Variants in CARMIL1 observed in about 807,000 individuals in gnomAD.
CARMIL1 encodes the protein F-actin-uncapping protein LRRC16A.
CARMIL1 carries 90 observed loss-of-function variants against 177.1 expected under a neutral mutation model. That is an observed-to-expected ratio of 0.51 (90% CI 0.43 to 0.61). The LOEUF (loss-of-function observed/expected upper bound fraction) is 0.61, where lower values mean the gene tolerates loss of function less well. Among genes scored for constraint, CARMIL1 ranks in the 20% least tolerant of loss-of-function variants. The pLI is 0.00. For synonymous variants in CARMIL1, 577 were observed against 606.2 expected, an observed-to-expected ratio of 0.95 and a Z score of 0.71; for missense variants, 1,380 against 1,667.0, an observed-to-expected ratio of 0.83 and a Z score of 3.00.
At chr6:25,541,237 G>A (rs1326873756) in intron 26 of CARMIL1, among the ~76,000 whole-genome samples, 1 of 152,144 alleles carries the variant, frequency 6.6e-6, no homozygotes, top group Non-Finnish European at 1.5e-5. Flanking sequence ...GATCCCAGAG[G>A]TAGTGTCTCT....
intron 29 of CARMIL1, chr6:25,563,871 G>C (rs577017572): frequency 1.0e-6 from 1 of 985,144 alleles, no homozygotes; most frequent in Non-Finnish European, 1.2e-6. Flanking sequence ...CATCAAGAAA[G>C]GCTTAAATTC....
rs112356684 is a variant in CARMIL1, at chr6:25,382,805, C to G, written c.139-37309C>G. Among the ~76,000 whole-genome samples, 464 of 152,278 alleles carry G rather than the reference C, an allele frequency of 3.0e-3. 1 individual carries two copies. Among genetic ancestry groups the G allele is most frequent in the African/African-American group, 0.01 (426 of 41,536 alleles). ...GATTGGTGCGTTTACAATTCTCTACCTAGACAGAAAAGTTCTCCAAGTCCC... is the reference window on the plus strand; with the variant it reads ...GATTGGTGCGTTTACAATTCTCTACGTAGACAGAAAAGTTCTCCAAGTCCC... On this transcript the variant is annotated intron_variant, in intron 2 of 36. Transcript: ENST00000329474.
intron 2 of CARMIL1, among the ~76,000 whole-genome samples, chr6:25,373,657 A>C (rs1581720294): frequency 6.7e-6 from 1 of 149,000 alleles, no homozygotes; most frequent in Non-Finnish European, 1.5e-5. Flanking sequence ...ATCATGGCTC[A>C]CTGCAACCTC....
intron 2 of CARMIL1, among the ~76,000 whole-genome samples, chr6:25,327,409 A>AAT (rs1785230071): frequency 6.6e-6 from 1 of 152,190 alleles, no homozygotes; most frequent in African/African-American, 2.4e-5. Flanking sequence ...TTCTATTTGG[A>AAT]CTGTCAGTGA....
intron 23 of CARMIL1, among the ~76,000 whole-genome samples, chr6:25,522,244 A>T (rs984064113): frequency 1.3e-5 from 2 of 152,164 alleles, no homozygotes; most frequent in African/African-American, 4.8e-5. Flanking sequence ...ATCCTATTTC[A>T]TGGTAAATCT....
At chr6:25,362,406 G>A (rs1269787790) in intron 2 of CARMIL1, among the ~76,000 whole-genome samples, 1 of 152,210 alleles carries the variant, frequency 6.6e-6, no homozygotes, top group East Asian at 1.9e-4. Context: ...CGGGCGTGGT[G>A]GCTCATGCCT....
At chr6:25,520,619 G>A (rs1423893433) in intron 23 of CARMIL1, among the ~76,000 whole-genome samples, 1 of 152,098 alleles carries the variant, frequency 6.6e-6, no homozygotes, top group Non-Finnish European at 1.5e-5. Context: ...CTTCTTGATT[G>A]GCTGGGGGAG....
intron 31 of CARMIL1, among the ~76,000 whole-genome samples, chr6:25,584,020 C>CTTTTTCTTTTTTTTTTTTTTTTT (rs1813388288): frequency 7.5e-6 from 1 of 133,666 alleles, no homozygotes; most frequent in Admixed American, 7.6e-5. Flanking sequence ...CTTTTCTTTT[C>CTTTTTCTTTTTTTTTTTTTTTTT]TTTTTCTTTT....
At chr6:25,617,889 A>T (rs1313040328) in intron 36 of CARMIL1, among the ~76,000 whole-genome samples, 1 of 152,244 alleles carries the variant, frequency 6.6e-6, no homozygotes, top group Non-Finnish European at 1.5e-5. Flanking sequence ...TGGGTGACAG[A>T]GCAAGACCCT....
chr6:25,284,275 T>C (rs1398601003), intron 1 of CARMIL1, among the ~76,000 whole-genome samples: 1 of 152,238 alleles, frequency 6.6e-6, no homozygotes, highest in East Asian at 1.9e-4. Context: ...CCAAACAAGA[T>C]TATGTCATGC....
At chr6:25,451,828 A>C (rs1798953285) in intron 8 of CARMIL1, among the ~76,000 whole-genome samples, 1 of 152,088 alleles carries the variant, frequency 6.6e-6, no homozygotes, top group Non-Finnish European at 1.5e-5. Flanking sequence ...GGCAGGGGTC[A>C]GCCCTACTTA....
At chr6:25,371,925 G>A (rs1790462390) in intron 2 of CARMIL1, among the ~76,000 whole-genome samples, 1 of 152,154 alleles carries the variant, frequency 6.6e-6, no homozygotes, top group African/African-American at 2.4e-5. Flanking sequence ...GTTGATTTTT[G>A]TATATGGTGA....
At chr6:25,606,342 C>A in intron 35 of CARMIL1, 69 bp downstream of exon 35, 1 of 1,458,952 alleles carries the variant, frequency 6.9e-7, no homozygotes, top group Non-Finnish European at 9.3e-7. Flanking sequence ...GGATCAGACT[C>A]TGCAGGTGGT....
intron 2 of CARMIL1, among the ~76,000 whole-genome samples, chr6:25,379,049 T>C (rs1230510355): frequency 6.6e-6 from 1 of 152,184 alleles, no homozygotes; most frequent in Non-Finnish European, 1.5e-5. Flanking sequence ...TAAATCTCGG[T>C]TTTCTCATCT....
chr6:25,501,899 A>T (rs528836176), intron 17 of CARMIL1, among the ~76,000 whole-genome samples: 1 of 150,272 alleles, frequency 6.7e-6, no homozygotes, highest in East Asian at 2.0e-4. Context: ...ATTTTTCATT[A>T]GTTTCAAGCT....
intron 2 of CARMIL1, among the ~76,000 whole-genome samples, chr6:25,320,822 T>C (rs2150237531): frequency 6.6e-6 from 1 of 152,360 alleles, no homozygotes; most frequent in South Asian, 2.1e-4. Flanking sequence ...TTGGCTTCCC[T>C]GGGCCACATT....
chr6:25,424,058 T>C (rs1434948793), intron 3 of CARMIL1, among the ~76,000 whole-genome samples: 1 of 152,094 alleles, frequency 6.6e-6, no homozygotes, highest in Non-Finnish European at 1.5e-5. Flanking sequence ...TGCTGTGACG[T>C]CTTTCAGTAT....
intron 17 of CARMIL1, among the ~76,000 whole-genome samples, chr6:25,508,164 T>C (rs749531417): frequency 2.6e-5 from 4 of 152,174 alleles, no homozygotes; most frequent in Non-Finnish European, 5.9e-5. Context: ...ACAGGTGTCA[T>C]GATGAGATAG....
At chr6:25,417,689 T>G (rs1795481387) in intron 2 of CARMIL1, among the ~76,000 whole-genome samples, 1 of 150,792 alleles carries the variant, frequency 6.6e-6, no homozygotes, top group South Asian at 2.1e-4. Context: ...GTTAAGAACA[T>G]TGGTTTTGGT....
Sources: gnomAD v4.1 joint callset for allele counts (sites outside exome capture counted in the v4.1 genomes callset) on GRCh38, gnomAD v4.1.1 for gene constraint, MANE v1.5 for transcripts, NCBI Gene and HGNC (gene_info 2026-07-23, HGNC 2026-07-21) for gene names.